Variants in KCTD8 observed in about 807,000 individuals in gnomAD.
The protein encoded by KCTD8 is potassium channel tetramerization domain containing 8, also known as BTB/POZ domain-containing protein KCTD8.
A neutral mutation model predicts 31.5 loss-of-function variants in KCTD8; 27 were observed. That is an observed-to-expected ratio of 0.86 (90% CI 0.63 to 1.18). KCTD8 has a LOEUF of 1.18. Among genes scored for constraint, KCTD8 ranks in the 50% most tolerant of loss-of-function variants. KCTD8 has a pLI of 0.00. For missense variants in KCTD8, 658 were observed against 647.7 expected (o/e 1.02, Z -0.17); for synonymous variants, 290 against 280.0 (o/e 1.04, Z -0.36).
chr4:44,264,300 G>A (rs915067510), intron 1 of KCTD8, among the ~76,000 whole-genome samples: 3 of 152,140 alleles, frequency 2.0e-5, no homozygotes, highest in African/African-American at 7.2e-5. Flanking sequence ...ATTTGGGTCA[G>A]AATTTAGTAC....
At chr4:44,361,355 T>C (rs1719491077) in intron 1 of KCTD8, among the ~76,000 whole-genome samples, 1 of 152,026 alleles carries the variant, frequency 6.6e-6, no homozygotes, top group Non-Finnish European at 1.5e-5. Context: ...ATTTGGGCCA[T>C]TGTTTAACAT....
chr4:44,312,600 T>C (rs907328092), intron 1 of KCTD8, among the ~76,000 whole-genome samples: 1 of 152,182 alleles, frequency 6.6e-6, no homozygotes, highest in Non-Finnish European at 1.5e-5. Context: ...CAAATTTACA[T>C]AGATATATGA....
At chr4:44,373,648 C>T (rs142709727) in intron 1 of KCTD8, among the ~76,000 whole-genome samples, 193 of 152,048 alleles carry the variant, frequency 1.3e-3, no homozygotes, top group African/African-American at 4.1e-3. Context: ...CAGTGTATGC[C>T]AGGACTAACA....
intron 1 of KCTD8, among the ~76,000 whole-genome samples, chr4:44,201,873 A>T (rs546068724): frequency 6.6e-6 from 1 of 152,274 alleles, no homozygotes; most frequent in East Asian, 1.9e-4. Context: ...AATAGGATAA[A>T]ATACTCACAA....
intron 1 of KCTD8, among the ~76,000 whole-genome samples, chr4:44,351,531 T>A (rs1481382500): frequency 6.6e-6 from 1 of 152,160 alleles, no homozygotes; most frequent in Non-Finnish European, 1.5e-5. Flanking sequence ...TATATATTCA[T>A]GGACCATAAA....
chr4:44,344,871 T>C (rs1241621272), intron 1 of KCTD8, among the ~76,000 whole-genome samples: 1 of 152,232 alleles, frequency 6.6e-6, no homozygotes, highest in African/African-American at 2.4e-5. Context: ...TTACCCTTTC[T>C]ATTAGGAACA....
At chr4:44,228,555 G>T (rs982120855) in intron 1 of KCTD8, among the ~76,000 whole-genome samples, 8 of 152,134 alleles carry the variant, frequency 5.3e-5, no homozygotes, top group East Asian at 1.9e-4. Flanking sequence ...AGTTTTTCCT[G>T]CTTCAGTGAA....
chr4:44,300,428 A>C (rs183407157), intron 1 of KCTD8, among the ~76,000 whole-genome samples: 1 of 152,302 alleles, frequency 6.6e-6, no homozygotes, highest in Non-Finnish European at 1.5e-5. Flanking sequence ...GAAATATTCT[A>C]TTAAAAGGTT....
chr4:44,220,552 C>A (rs1369276938), intron 1 of KCTD8, among the ~76,000 whole-genome samples: 1 of 152,258 alleles, frequency 6.6e-6, no homozygotes, highest in South Asian at 2.1e-4. Flanking sequence ...ATTCTGCAAT[C>A]CACTAAGGAG....
intron 1 of KCTD8, among the ~76,000 whole-genome samples, chr4:44,193,360 G>A (rs1713822343): frequency 6.6e-6 from 1 of 152,124 alleles, no homozygotes; most frequent in Non-Finnish European, 1.5e-5. Context: ...ATTTGGAAGA[G>A]GCAGAGGCAG....
At chr4:44,432,995 T>C (rs960106131) in intron 1 of KCTD8, among the ~76,000 whole-genome samples, 2 of 151,522 alleles carry the variant, frequency 1.3e-5, no homozygotes, top group African/African-American at 4.8e-5. Context: ...ATTTCCAGGC[T>C]CCTCTTTATC....
rs1312917084 is a variant in KCTD8 at position 44,447,954 on chromosome 4, C to A, written c.570G>T (p.Pro190=). Residue 190 remains proline, a synonymous_variant, in exon 1 of 2, where the codon CCG becomes CCT. Coordinates refer to ENST00000360029, the MANE Select transcript of KCTD8 (RefSeq NM_198353.3). The part of the protein sequence containing the change: ...RGAAAAVPSG[P]GAHGGGGGGG... ...CGCCGCCGCCACCACCGTGCGCTCC[C>A]GGGCCCGAGGGCACGGCGGCCGCCG... The A allele has an allele frequency of 1.3e-6, 2 of 1,521,146 alleles. No individual in the cohort carries two copies. The highest frequency in any genetic ancestry group is 1.2e-5 in the South Asian group (1 of 80,524). 94.2% of individuals were successfully genotyped at this position (1,521,146 alleles called of 1,614,324 possible).
At chr4:44,320,170 C>CAAAAAAAAA (rs35250421) in intron 1 of KCTD8, among the ~76,000 whole-genome samples, 8 of 31,918 alleles carry the variant, frequency 2.5e-4, no homozygotes, top group East Asian at 1.6e-3. Context: ...GCCTCCATCT[C>CAAAAAAAAA]AAAAAAAAAA....
chr4:44,421,408 T>C (rs1172853538), intron 1 of KCTD8, among the ~76,000 whole-genome samples: 1 of 151,964 alleles, frequency 6.6e-6, no homozygotes, highest in Non-Finnish European at 1.5e-5. Flanking sequence ...ACCAGGAAAA[T>C]ATTATTTAAA....
At chr4:44,418,469 G>T (rs61180654) in intron 1 of KCTD8, among the ~76,000 whole-genome samples, 19,949 of 152,116 alleles carry the variant, frequency 0.13, 2,631 homozygotes, top group African/African-American at 0.33. Context: ...GGTTTTTATA[G>T]TCTTTTGTTT....
chr4:44,400,330 G>A (rs973440469), intron 1 of KCTD8, among the ~76,000 whole-genome samples: 3 of 151,858 alleles, frequency 2.0e-5, no homozygotes, highest in Non-Finnish European at 4.4e-5. Context: ...CAATAAGATA[G>A]CAATGTCAGG....
At chr4:44,205,759 CAT>C (rs1342335305) in intron 1 of KCTD8, among the ~76,000 whole-genome samples, 3 of 152,142 alleles carry the variant, frequency 2.0e-5, no homozygotes, top group South Asian at 2.1e-4. Flanking sequence ...CAAAATGTCA[CAT>C]GTTTTTGTGA....
At chr4:44,338,198 C>A (rs1452952695) in intron 1 of KCTD8, among the ~76,000 whole-genome samples, 1 of 151,842 alleles carries the variant, frequency 6.6e-6, no homozygotes, top group Non-Finnish European at 1.5e-5. Flanking sequence ...CTTATTTATG[C>A]TTATCTCAAT....
At chr4:44,289,307 A>G (rs1717199652) in intron 1 of KCTD8, among the ~76,000 whole-genome samples, 1 of 151,862 alleles carries the variant, frequency 6.6e-6, no homozygotes. Flanking sequence ...AATATATTCA[A>G]AGAAACAAAA....
Sources: allele counts gnomAD v4.1 joint callset (sites outside exome capture counted in the v4.1 genomes callset), GRCh38; gene constraint gnomAD v4.1.1; transcripts MANE v1.5; gene names NCBI Gene and HGNC (gene_info 2026-07-23, HGNC 2026-07-21).